Variants in UGGT2 observed in about 807,000 individuals in gnomAD.
UGGT2 encodes UDP-glucose:glycoprotein glucosyltransferase 2.
Under a neutral mutation model 192.1 loss-of-function variants are expected in UGGT2, and 180 were observed. The observed-to-expected ratio is 0.94, with a 90% CI of 0.83 to 1.06. The LOEUF (loss-of-function observed/expected upper bound fraction) is 1.06. UGGT2 is among the 50% of genes least tolerant of loss of function. UGGT2 has a pLI of 0.00. For missense variants in UGGT2, 1,849 were observed against 1,795.7 expected (o/e 1.03, Z -0.54); for synonymous variants, 580 against 591.0 (o/e 0.98, Z 0.27).
chr13:95,816,469 T>C (rs1884901662), intron 38 of UGGT2, among the ~76,000 whole-genome samples: 2 of 152,080 alleles, frequency 1.3e-5, no homozygotes, highest in Admixed American at 1.3e-4. Flanking sequence ...AGACTAATAA[T>C]AGCCCCAAAC....
Position 95,832,003 on chromosome 13 carries a change from C to T in UGGT2, c.4528+924G>A, listed in dbSNP as rs577951812. On this transcript the variant is annotated intron_variant, in intron 38 of 38. Coordinates refer to ENST00000376747, the MANE Select transcript of UGGT2 (RefSeq NM_020121.4). ...TACATACATGGGTGTGTATAATGAA[C>T]TTTTTGAACACACCAAGAAAACTTT... Among the ~76,000 whole-genome samples, 42 of 149,066 alleles carry T rather than the reference C, an allele frequency of 2.8e-4. 1 individual carries two copies. In the South Asian group the frequency reaches 9.0e-3, roughly 32 times the overall value.
intron 16 of UGGT2, among the ~76,000 whole-genome samples, chr13:95,938,437 T>C (rs984187021): frequency 6.6e-6 from 1 of 152,282 alleles, no homozygotes; most frequent in Non-Finnish European, 1.5e-5. Context: ...AGTACTACTA[T>C]TACATCAATT....
Position 95,890,960 on chromosome 13 carries a change from T to C in UGGT2, c.2860A>G (p.Ile954Val), listed in dbSNP as rs762654808. Residue 954 changes from isoleucine (I) to valine (V), a missense_variant, in exon 25 of 39, where the codon ATA becomes GTA. Coordinates refer to ENST00000376747, the MANE Select transcript of UGGT2 (RefSeq NM_020121.4). Reference sequence around the variant, plus strand: ...TCATTCTCTTGAGGATTCGTCTTTATAACACTAAGAAAATAGAAAATAAGA... The same window carrying C: ...TCATTCTCTTGAGGATTCGTCTTTACAACACTAAGAAAATAGAAAATAAGA... ...VTFLRENHSVIKTNPQENDMF... is the reference protein window; with the variant it reads ...VTFLRENHSVVKTNPQENDMF... 2.3e-5 allele frequency: 37 copies of C among 1,603,858 alleles called. No homozygotes were observed. Among genetic ancestry groups the C allele is most frequent in the Non-Finnish European group, 2.9e-5 (34 of 1,173,296 alleles).
chr13:95,834,119 T>C (rs1034587674), intron 37 of UGGT2, among the ~76,000 whole-genome samples: 3 of 152,192 alleles, frequency 2.0e-5, no homozygotes, highest in Admixed American at 2.0e-4. Flanking sequence ...GTCTTCTATA[T>C]AGTGAAGATA....
At chr13:95,817,620 A>G (rs990246390) in intron 38 of UGGT2, among the ~76,000 whole-genome samples, 16 of 152,348 alleles carry the variant, frequency 1.1e-4, no homozygotes, top group African/African-American at 3.8e-4. Flanking sequence ...ACCACAATGT[A>G]AGTATAAAAA....
Position 95,811,201 on chromosome 13 carries a change from C to T in UGGT2, c.4529-9389G>A, listed in dbSNP as rs564454376. Among the ~76,000 whole-genome samples, 6 of 152,112 alleles carry T rather than the reference C, an allele frequency of 3.9e-5. No individual in the cohort carries two copies. In the South Asian group the frequency reaches 1.2e-3, roughly 31 times the overall value. ...TTTGGAAAACAGTCTGACAGTTCCT[C>T]AAGTGGTTAAACATAGAGTTACCAT... On this transcript the variant is annotated intron_variant, in intron 38 of 38. Coordinates refer to ENST00000376747, the MANE Select transcript of UGGT2 (RefSeq NM_020121.4).
At chr13:95,847,050 T>A (rs963886503) in intron 36 of UGGT2, among the ~76,000 whole-genome samples, 15 of 71,748 alleles carry the variant, frequency 2.1e-4, no homozygotes, top group Non-Finnish European at 5.4e-4. Flanking sequence ...ATCTTTCTTT[T>A]CTTTTCTTTT....
chr13:95,901,124 T>C (rs2048093811), intron 21 of UGGT2, among the ~76,000 whole-genome samples, 186 bp from the exon 22 acceptor site: 1 of 152,128 alleles, frequency 6.6e-6, no homozygotes. Flanking sequence ...ATTTATAACA[T>C]GCTTAAATCT....
In UGGT2 at chr13:95,986,546, A is replaced by T. The variant is rs1416899724; in HGVS notation, c.932-114T>A. ...TCTTGCCAAGTATTAGTATACAAAC[A>T]TGTTAATACTGTTACATCTGCATTT... On this transcript the variant is annotated intron_variant, in intron 8 of 38. Coordinates refer to ENST00000376747, the MANE Select transcript of UGGT2 (RefSeq NM_020121.4). 11 of 656,642 alleles carry T rather than the reference A, an allele frequency of 1.7e-5. No homozygotes were observed. In the African/African-American group the frequency reaches 1.7e-4, roughly 10 times the overall value. 40.7% of individuals were successfully genotyped at this position (656,642 alleles called of 1,614,324 possible).
At chr13:95,982,665 C>G (rs961934441) in intron 10 of UGGT2, among the ~76,000 whole-genome samples, 2 of 152,098 alleles carry the variant, frequency 1.3e-5, no homozygotes, top group African/African-American at 4.8e-5. Context: ...GAGAGCTGTT[C>G]TCCTTTCTCT....
chr13:95,834,883 C>A (rs981689691), intron 37 of UGGT2, among the ~76,000 whole-genome samples: 1 of 152,022 alleles, frequency 6.6e-6, no homozygotes, highest in Non-Finnish European at 1.5e-5. Context: ...TTGGTACTAT[C>A]CAATACAAAT....
chr13:95,883,046 T>C (rs2047538677), intron 27 of UGGT2, among the ~76,000 whole-genome samples: 1 of 152,138 alleles, frequency 6.6e-6, no homozygotes, highest in South Asian at 2.1e-4. Flanking sequence ...TTCTCTAAAT[T>C]TGAAGGACTG....
In UGGT2 at chr13:95,877,840, G is replaced by A. The variant is rs781014743; in HGVS notation, c.3245C>T (p.Thr1082Ile). The A allele has an allele frequency of 6.2e-7, 1 of 1,613,036 alleles. No homozygotes were observed. The highest frequency in any genetic ancestry group is 8.5e-7 in the Non-Finnish European group (1 of 1,179,636). ...TAAGTATTCTAGTTCATATTCTGCTGTAACAGTTTTCTCAGTCTGTGGAGG... is the reference window on the plus strand; with the variant it reads ...TAAGTATTCTAGTTCATATTCTGCTATAACAGTTTTCTCAGTCTGTGGAGG... The part of the protein sequence containing the change: ...IHLKDTEKTV[T>I]AEYELEYLLL... The change falls in exon 28 of 39, where the codon ACA (threonine) becomes ATA (isoleucine). Residue 1082 changes from threonine to isoleucine, a missense_variant. Thr to Ile is a moderately conservative substitution (Grantham distance 89). Coordinates refer to ENST00000376747, the MANE Select transcript of UGGT2 (RefSeq NM_020121.4).
intron 38 of UGGT2, among the ~76,000 whole-genome samples, chr13:95,806,565 A>G (rs575478714): frequency 6.6e-6 from 1 of 152,354 alleles, no homozygotes; most frequent in South Asian, 2.1e-4. Context: ...CCTAAAATTC[A>G]TATGAAATCT....
chr13:95,839,940 T>TC (rs1887690384), intron 36 of UGGT2, among the ~76,000 whole-genome samples: 1 of 152,222 alleles, frequency 6.6e-6, no homozygotes, highest in Non-Finnish European at 1.5e-5. Flanking sequence ...ACAGAAGATA[T>TC]ATCAATGGCT....
intron 2 of UGGT2, among the ~76,000 whole-genome samples, chr13:96,026,027 G>A (rs1224233812): frequency 1.3e-5 from 2 of 151,978 alleles, no homozygotes; most frequent in Non-Finnish European, 2.9e-5. Flanking sequence ...AGACCCTAAG[G>A]CAGAAAATCA....
rs1323372725 is a variant in UGGT2 at position 95,927,039 on chromosome 13, A to C, written c.2189T>G (p.Leu730Ter). The C allele has an allele frequency of 2.5e-6, 4 of 1,604,828 alleles. No individual in the cohort carries two copies. Among genetic ancestry groups the C allele is most frequent in the Non-Finnish European group, 3.4e-6 (4 of 1,177,226 alleles). The change falls in exon 19 of 39, where the codon TTA (leucine) becomes TGA (stop). Residue 730 changes from leucine (L) to a stop codon, truncating the protein, a stop_gained. Coordinates refer to ENST00000376747, the MANE Select transcript of UGGT2 (RefSeq NM_020121.4). LOFTEE classifies it high-confidence loss of function. ...SAVIAKNMYY[L>*]TQDDESIISA... ...AATATGCTTATTACCGTCTTGGGTT[A>C]AATAATACATGTTCTTTGCAATTAC...
intron 22 of UGGT2, among the ~76,000 whole-genome samples, chr13:95,900,425 A>G (rs2048070799): frequency 6.6e-6 from 1 of 152,160 alleles, no homozygotes; most frequent in Non-Finnish European, 1.5e-5. Context: ...CATTTAACAT[A>G]CACAACTGTA....
chr13:95,812,543 A>G (rs1268684302), intron 38 of UGGT2, among the ~76,000 whole-genome samples: 1 of 152,218 alleles, frequency 6.6e-6, no homozygotes, highest in East Asian at 1.9e-4. Context: ...CAGTCTCCAG[A>G]ATGAGAGATT....
Sources: allele counts gnomAD v4.1 joint callset (sites outside exome capture counted in the v4.1 genomes callset), GRCh38; gene constraint gnomAD v4.1.1; transcripts MANE v1.5; gene names NCBI Gene and HGNC (gene_info 2026-07-23, HGNC 2026-07-21).